FGF2: variants seen among roughly 807,000 people sequenced by gnomAD.
The protein encoded by FGF2 is fibroblast growth factor 2.
A neutral mutation model predicts 15.9 loss-of-function variants in FGF2; 13 were observed. The observed-to-expected ratio is 0.82, with a 90% CI of 0.53 to 1.30. The LOEUF is 1.30. Ranked by LOEUF, FGF2 falls within the 50% of genes most tolerant of loss-of-function variation. The pLI is 0.00. For synonymous variants in FGF2, 90 were observed against 78.4 expected (o/e 1.15, Z -0.78); for missense variants, 163 against 196.9 (o/e 0.83, Z 1.03).
At chr4:122,882,352 A>C (rs1014992733) in intron 2 of FGF2, 3 of 152,240 alleles carry the variant, frequency 2.0e-5, no homozygotes, top group African/African-American at 7.2e-5. Flanking sequence ...CTACTAGGGT[A>C]CATAAAAAGA....
At chr4:122,853,547 G>A (rs1165079225) in intron 1 of FGF2, among the ~76,000 whole-genome samples, 1 of 152,148 alleles carries the variant, frequency 6.6e-6, no homozygotes, top group African/African-American at 2.4e-5. Context: ...GAATTAGGAA[G>A]GAGGGAAAAG....
At position 122,892,407 on chromosome 4, in the gene FGF2, C is replaced by G. The variant is rs1386421267; in HGVS notation, c.*11C>G. The G allele has an allele frequency of 1.2e-6, 2 of 1,612,696 alleles. No homozygotes were observed. The highest frequency in any genetic ancestry group is 1.7e-6 in the Non-Finnish European group (2 of 1,178,824). Reference sequence around the variant, plus strand: ...TCTGCTAAGAGCTGATTTTAATGGCCACATCTAATCTCATTTCACATGAAA... The same window carrying G: ...TCTGCTAAGAGCTGATTTTAATGGCGACATCTAATCTCATTTCACATGAAA... On this transcript the variant is annotated 3_prime_UTR_variant, in exon 3 of 3. Transcript: ENST00000644866.
chr4:122,846,978 G>A (rs1726125532), intron 1 of FGF2, among the ~76,000 whole-genome samples: 1 of 152,214 alleles, frequency 6.6e-6, no homozygotes, highest in Admixed American at 6.5e-5. Flanking sequence ...GCATGGTCAG[G>A]CCTGTGCCCG....
chr4:122,877,191 C>G (rs1012855872), intron 2 of FGF2, among the ~76,000 whole-genome samples: 49 of 151,704 alleles, frequency 3.2e-4, no homozygotes, highest in Middle Eastern at 3.2e-3. Flanking sequence ...GTCACTGTAC[C>G]CTCTGCCTTC....
At chr4:122,862,079 G>T (rs931430313) in intron 1 of FGF2, among the ~76,000 whole-genome samples, 1 of 152,146 alleles carries the variant, frequency 6.6e-6, no homozygotes, top group Non-Finnish European at 1.5e-5. Context: ...CATGCTGTAT[G>T]TTCCTTAAGG....
In FGF2 at chr4:122,847,603, CTCTATCTATCTATCTATCTA is replaced by C. The variant is rs34233719; in HGVS notation, c.178+20271_178+20290del. ...GAGAAACTGAATGAATAGGAGATCA[CTCTATCTATCTATCTATCTA>C]TCTATCTATCTATCTATCTGTCTAT... On this transcript the variant is annotated intron_variant, in intron 1 of 2. Coordinates refer to ENST00000644866, the MANE Select transcript of FGF2 (RefSeq NM_001361665.2). 4.2e-5 allele frequency among the ~76,000 whole-genome samples: 6 copies of C among 142,010 alleles called. No individual in the cohort carries two copies. The East Asian group carries it at 8.0e-4, about 19-fold the overall frequency. 93.2% of individuals were successfully genotyped at this position (142,010 alleles called of 152,430 possible).
intron 1 of FGF2, among the ~76,000 whole-genome samples, chr4:122,837,075 G>A (rs1265680964): frequency 6.6e-6 from 1 of 152,176 alleles, no homozygotes; most frequent in African/African-American, 2.4e-5. Flanking sequence ...ATTGGGGACT[G>A]TCTGGTACCA....
At chr4:122,839,166 G>C (rs560877373) in intron 1 of FGF2, among the ~76,000 whole-genome samples, 2 of 152,232 alleles carry the variant, frequency 1.3e-5, no homozygotes, top group Non-Finnish European at 2.9e-5. Context: ...ATAGTTAAGT[G>C]ACACATGATC....
intron 1 of FGF2, 25 bp from the exon 2 acceptor site, chr4:122,876,296 A>G (rs780036223): frequency 2.1e-5 from 29 of 1,397,724 alleles, no homozygotes; most frequent in Non-Finnish European, 2.8e-5. Flanking sequence ...TGGTGCTACA[A>G]AGATAATTTT....
chr4:122,855,453 T>C (rs938807404), intron 1 of FGF2, among the ~76,000 whole-genome samples: 2 of 152,240 alleles, frequency 1.3e-5, no homozygotes, highest in Non-Finnish European at 2.9e-5. Context: ...TGTTGAAGTA[T>C]TTCTCAGTTG....
intron 2 of FGF2, among the ~76,000 whole-genome samples, chr4:122,887,250 G>T (rs1393602328): frequency 6.6e-6 from 1 of 152,202 alleles, no homozygotes; most frequent in Non-Finnish European, 1.5e-5. Context: ...GGAGGCAGAG[G>T]TTGCAGTGAG....
chr4:122,880,884 C>T (rs1726948110), intron 2 of FGF2, among the ~76,000 whole-genome samples: 2 of 152,222 alleles, frequency 1.3e-5, no homozygotes, highest in African/African-American at 4.8e-5. Flanking sequence ...AGCAGAGGTT[C>T]TCCATGAGGG....
At chr4:122,843,626 T>A (rs184154841) in intron 1 of FGF2, among the ~76,000 whole-genome samples, 4 of 152,104 alleles carry the variant, frequency 2.6e-5, no homozygotes, top group African/African-American at 9.7e-5. Context: ...ACATAGTAAG[T>A]GATGTATGGA....
chr4:122,866,221 A>G (rs1726575755), intron 1 of FGF2, among the ~76,000 whole-genome samples: 1 of 152,002 alleles, frequency 6.6e-6, no homozygotes, highest in Non-Finnish European at 1.5e-5. Flanking sequence ...ACAAAAAATT[A>G]GCCGGGCGTG....
chr4:122,851,677 A>G (rs1350524395), intron 1 of FGF2, among the ~76,000 whole-genome samples: 3 of 152,222 alleles, frequency 2.0e-5, no homozygotes, highest in Admixed American at 1.3e-4. Context: ...TTGAACAGCT[A>G]TTATTAAAAG....
chr4:122,856,360 A>C (rs1726340915), intron 1 of FGF2, among the ~76,000 whole-genome samples: 1 of 152,150 alleles, frequency 6.6e-6, no homozygotes. Flanking sequence ...CTCAGTCAAC[A>C]ATGAATTGTA....
chr4:122,842,544 C>T (rs1308389945), intron 1 of FGF2, among the ~76,000 whole-genome samples: 1 of 152,156 alleles, frequency 6.6e-6, no homozygotes, highest in Non-Finnish European at 1.5e-5. Context: ...TTGTGAGAAA[C>T]ATCTCTGTGA....
chr4:122,830,491 T>C (rs180965859), intron 1 of FGF2, among the ~76,000 whole-genome samples: 1 of 152,310 alleles, frequency 6.6e-6, no homozygotes, highest in Non-Finnish European at 1.5e-5. Context: ...GTTTTTCTCA[T>C]AGTCCTGGAA....
chr4:122,891,021 C>CTTTTTT (rs769084285), intron 2 of FGF2, among the ~76,000 whole-genome samples: 85 of 94,622 alleles, frequency 9.0e-4, no homozygotes, highest in East Asian at 3.6e-3. Flanking sequence ...AACAATTTAT[C>CTTTTTT]TTTTTTTTTT....
Sources: gnomAD v4.1 joint callset for allele counts (sites outside exome capture counted in the v4.1 genomes callset) on GRCh38, gnomAD v4.1.1 for gene constraint, MANE v1.5 for transcripts, NCBI Gene and HGNC (gene_info 2026-07-23, HGNC 2026-07-21) for gene names.